Variants in RBFOX1 observed in about 807,000 individuals in gnomAD.
RBFOX1 encodes RNA binding fox-1 homolog 1.
Under a neutral mutation model 57.7 loss-of-function variants are expected in RBFOX1, and 8 were observed. That is an observed-to-expected ratio of 0.14 (90% CI 0.08 to 0.25). The LOEUF (loss-of-function observed/expected upper bound fraction) is 0.25, where lower values mean the gene tolerates loss of function less well. RBFOX1 is among the 10% of genes least tolerant of loss of function. RBFOX1 has a pLI of 1.00. For missense variants in RBFOX1, 611 were observed against 548.5 expected (o/e 1.11, Z -1.14); for synonymous variants, 326 against 222.4 (o/e 1.47, Z -4.15).
chr16:7,059,904 T>G (rs1486228241), intron 4 of RBFOX1, among the ~76,000 whole-genome samples: 1 of 152,198 alleles, frequency 6.6e-6, no homozygotes, highest in Non-Finnish European at 1.5e-5. Context: ...GAGCTGTTTC[T>G]ATGAAAACTA....
chr16:5,982,829 G>T (rs1431967729), intron 4 of RBFOX1, among the ~76,000 whole-genome samples: 1 of 152,216 alleles, frequency 6.6e-6, no homozygotes, highest in Admixed American at 6.5e-5. Context: ...GGAATGTGGA[G>T]CCTTTGCTGT....
intron 5 of RBFOX1, among the ~76,000 whole-genome samples, chr16:7,548,491 A>G (rs1328234398): frequency 6.6e-6 from 1 of 152,168 alleles, no homozygotes; most frequent in Non-Finnish European, 1.5e-5. Flanking sequence ...TACATTTGAC[A>G]CTGAGCACTG....
chr16:7,250,459 C>T (rs578130624), intron 4 of RBFOX1, among the ~76,000 whole-genome samples: 1 of 151,826 alleles, frequency 6.6e-6, no homozygotes, highest in East Asian at 1.9e-4. Context: ...ACAAGAGTTT[C>T]CTGCTTCATC....
chr16:7,488,127 C>G (rs542483631), intron 4 of RBFOX1, among the ~76,000 whole-genome samples: 2 of 152,100 alleles, frequency 1.3e-5, no homozygotes, highest in African/African-American at 2.4e-5. Flanking sequence ...ATCCTCTTGC[C>G]GTGCTAGTGT....
intron 4 of RBFOX1, among the ~76,000 whole-genome samples, chr16:7,487,344 T>G (rs182182897): frequency 6.6e-6 from 1 of 152,158 alleles, no homozygotes; most frequent in African/African-American, 2.4e-5. Context: ...ACTCATCACA[T>G]GTATGGGTCA....
At chr16:5,548,171 AAAAATATAT>A (rs1399808330) in intron 2 of RBFOX1, among the ~76,000 whole-genome samples, 3,540 of 37,206 alleles carry the variant, frequency 0.095, 79 homozygotes, top group East Asian at 0.43. Context: ...AAAAAAAAAA[AAAAATATAT>A]ATATATATAT....
At chr16:6,927,987 C>T (rs73543225) in intron 3 of RBFOX1, among the ~76,000 whole-genome samples, 9,885 of 152,194 alleles carry the variant, frequency 0.065, 1,075 homozygotes, top group African/African-American at 0.22. Context: ...CATTGAGCTG[C>T]TGTTCCGCTG....
intron 10 of RBFOX1, among the ~76,000 whole-genome samples, chr16:7,609,675 T>C (rs551429029): frequency 1.3e-5 from 2 of 152,332 alleles, no homozygotes; most frequent in African/African-American, 4.8e-5. Flanking sequence ...CAAATGAGGA[T>C]ACCAAAATGC....
intron 4 of RBFOX1, among the ~76,000 whole-genome samples, chr16:7,124,767 A>C (rs1009369010): frequency 1.3e-5 from 2 of 152,074 alleles, no homozygotes; most frequent in Non-Finnish European, 2.9e-5. Flanking sequence ...TTTTTCAATG[A>C]GGAATGCTGC....
In RBFOX1 at chr16:7,307,384, T is replaced by C. The variant is rs2096214789; in HGVS notation, c.28-210763T>C. On this transcript the variant is annotated intron_variant, in intron 4 of 15. Coordinates refer to ENST00000550418, the MANE Select transcript of RBFOX1 (RefSeq NM_018723.4). ...GACAACTCATAAAAACAAAAATCAA[T>C]TGGGGTGCCTCAGCATCGGAGTCTA... Among the ~76,000 whole-genome samples the C allele has an allele frequency of 2.0e-5, 3 of 152,194 alleles. 1 individual carries two copies. In the South Asian group the frequency reaches 6.2e-4, roughly 32 times the overall value.
intron 1 of RBFOX1, among the ~76,000 whole-genome samples, chr16:5,346,853 C>T (rs556665452): frequency 6.6e-6 from 1 of 152,326 alleles, no homozygotes; most frequent in East Asian, 1.9e-4. Context: ...AGGATGATAA[C>T]AGCACCTCCC....
chr16:6,940,606 TTTC>T (rs1343664865), intron 3 of RBFOX1, among the ~76,000 whole-genome samples: 6 of 152,250 alleles, frequency 3.9e-5, no homozygotes, highest in African/African-American at 1.4e-4. Flanking sequence ...GTACACTTCT[TTTC>T]TTTTTTGAGG....
intron 3 of RBFOX1, among the ~76,000 whole-genome samples, chr16:6,784,686 A>C (rs1037234729): frequency 6.8e-6 from 1 of 146,754 alleles, no homozygotes; most frequent in Non-Finnish European, 1.5e-5. Context: ...GGCATTTGTT[A>C]ATGTCTGATT....
chr16:6,020,359 A>C (rs1476626417), intron 1 of RBFOX1, among the ~76,000 whole-genome samples: 1 of 152,042 alleles, frequency 6.6e-6, no homozygotes, highest in African/African-American at 2.4e-5. Flanking sequence ...GGCCGGCTGC[A>C]AGCGTGCACT....
At chr16:7,494,538 T>C (rs924513635) in intron 4 of RBFOX1, among the ~76,000 whole-genome samples, 6 of 152,182 alleles carry the variant, frequency 3.9e-5, no homozygotes, top group African/African-American at 1.4e-4. Flanking sequence ...ATAACAGCAA[T>C]AATAGCACAG....
intron 3 of RBFOX1, among the ~76,000 whole-genome samples, chr16:5,692,441 G>C (rs1023678048): frequency 6.6e-6 from 1 of 152,076 alleles, no homozygotes; most frequent in East Asian, 1.9e-4. Context: ...AAGACTTGAA[G>C]TGGATCTTTC....
chr16:6,129,033 A>C (rs2096610604), intron 1 of RBFOX1, among the ~76,000 whole-genome samples: 1 of 152,248 alleles, frequency 6.6e-6, no homozygotes, highest in Non-Finnish European at 1.5e-5. Flanking sequence ...TGCATGAACA[A>C]AATTCAGCAC....
At chr16:6,865,218 G>A (rs2059716076) in intron 3 of RBFOX1, among the ~76,000 whole-genome samples, 1 of 151,862 alleles carries the variant, frequency 6.6e-6, no homozygotes. Flanking sequence ...GGCCAGGCTG[G>A]TCTCGAACTC....
intron 2 of RBFOX1, among the ~76,000 whole-genome samples, chr16:6,424,421 C>G (rs1207066422): frequency 6.6e-6 from 1 of 152,156 alleles, no homozygotes; most frequent in Non-Finnish European, 1.5e-5. Flanking sequence ...AGGCAGTAAT[C>G]CCGTGTCCCC....
Sources: allele counts gnomAD v4.1 joint callset (sites outside exome capture counted in the v4.1 genomes callset), GRCh38; gene constraint gnomAD v4.1.1; transcripts MANE v1.5; gene names NCBI Gene and HGNC (gene_info 2026-07-23, HGNC 2026-07-21).